Variants in IQCK observed in about 807,000 individuals in gnomAD.
IQCK encodes the protein IQ domain-containing protein K.
A neutral mutation model predicts 28.1 loss-of-function variants in IQCK; 29 were observed. The observed-to-expected ratio is 1.03, with a 90% CI of 0.77 to 1.41. The LOEUF (loss-of-function observed/expected upper bound fraction) is 1.41. Ranked by LOEUF, IQCK falls within the 40% of genes most tolerant of loss-of-function variation. IQCK has a pLI of 0.00. For synonymous variants in IQCK, 113 were observed against 115.1 expected (o/e 0.98, Z 0.12); for missense variants, 359 against 314.7 (o/e 1.14, Z -1.07).
intron 1 of IQCK, among the ~76,000 whole-genome samples, chr16:19,726,973 A>G (rs952604117): frequency 6.6e-6 from 1 of 151,988 alleles, no homozygotes; most frequent in Non-Finnish European, 1.5e-5. Flanking sequence ...GTCTCTAAAA[A>G]TACAAAAATT....
chr16:19,844,081 CTTT>C (rs760051580), intron 9 of IQCK, among the ~76,000 whole-genome samples: 7 of 136,264 alleles, frequency 5.1e-5, no homozygotes, highest in Non-Finnish European at 6.4e-5. Flanking sequence ...CATATGCTTG[CTTT>C]TTTTTTTTTT....
At chr16:19,731,723 C>T (rs954555872) in intron 2 of IQCK, among the ~76,000 whole-genome samples, 18 of 152,120 alleles carry the variant, frequency 1.2e-4, no homozygotes, top group African/African-American at 3.6e-4. Flanking sequence ...CAGTAGGATA[C>T]ATATATGAGA....
At chr16:19,742,711 TTGCTGATCTGCGTTTTGCCCTTAAAC>T (rs2054854514) in intron 4 of IQCK, among the ~76,000 whole-genome samples, 1 of 152,274 alleles carries the variant, frequency 6.6e-6, no homozygotes, top group Non-Finnish European at 1.5e-5. Flanking sequence ...TCAAAAATAC[TTGCTGATCTGCGTTTTGCCCTTAAAC>T]TGCTGATGTC....
rs61573221 is a variant in IQCK at position 19,748,072 on chromosome 16, CT to C, written c.474+12642del. Among the ~76,000 whole-genome samples the C allele has an allele frequency of 6.0e-3, 702 of 117,160 alleles. 4 individuals carry two copies. Among genetic ancestry groups the C allele is most frequent in the African/African-American group, 0.012 (338 of 28,688 alleles). 76.9% of individuals were successfully genotyped at this position (117,160 alleles called of 152,430 possible). On this transcript the variant is annotated intron_variant, in intron 4 of 7. Coordinates refer to ENST00000564186, the Ensembl canonical transcript of IQCK. Reference sequence around the variant, plus strand: ...GAGTTCAACCATCTGGGCTCAAATTCTTTTTTTTTTTTTTTTTTTTGAGACA... The same window carrying C: ...GAGTTCAACCATCTGGGCTCAAATTCTTTTTTTTTTTTTTTTTTTGAGACA...
intron 4 of IQCK, among the ~76,000 whole-genome samples, chr16:19,742,449 G>T (rs2054851191): frequency 6.6e-6 from 1 of 151,938 alleles, no homozygotes; most frequent in Admixed American, 6.5e-5. Flanking sequence ...GACCCAAGTG[G>T]AACTCCCCTT....
At chr16:19,719,037 TCTTC>T (rs1223156901) in intron 1 of IQCK, among the ~76,000 whole-genome samples, 1 of 152,210 alleles carries the variant, frequency 6.6e-6, no homozygotes, top group African/African-American at 2.4e-5. Context: ...GTTGAGCACA[TCTTC>T]CTTTGTGGCT....
chr16:19,747,950 T>C (rs973764792), intron 4 of IQCK, among the ~76,000 whole-genome samples: 3 of 152,044 alleles, frequency 2.0e-5, no homozygotes, highest in Non-Finnish European at 4.4e-5. Flanking sequence ...TTAGAAATAA[T>C]ATGGACCGGG....
intron 4 of IQCK, among the ~76,000 whole-genome samples, chr16:19,755,968 A>C (rs558150645): frequency 6.6e-6 from 1 of 152,028 alleles, no homozygotes; most frequent in Non-Finnish European, 1.5e-5. Flanking sequence ...GGATCACTAG[A>C]GCTCAGGAGT....
chr16:19,807,713 C>T (rs759046987), intron 7 of IQCK, among the ~76,000 whole-genome samples: 3 of 152,172 alleles, frequency 2.0e-5, no homozygotes, highest in Non-Finnish European at 2.9e-5. Flanking sequence ...ATGTGACCTT[C>T]AGTACATCAC....
At chr16:19,850,296 C>T (rs1242371257) in intron 9 of IQCK, among the ~76,000 whole-genome samples, 2 of 152,094 alleles carry the variant, frequency 1.3e-5, no homozygotes, top group Non-Finnish European at 2.9e-5. Flanking sequence ...CAGCTCACAG[C>T]GTAACCTTGA....
intron 4 of IQCK, among the ~76,000 whole-genome samples, chr16:19,737,610 C>T (rs1028801177): frequency 2.3e-4 from 35 of 152,144 alleles, no homozygotes; most frequent in African/African-American, 7.5e-4. Context: ...ACCTCTGGGC[C>T]GTGGTTCACC....
At chr16:19,810,192 C>T (rs1335262485) in intron 7 of IQCK, among the ~76,000 whole-genome samples, 2 of 152,074 alleles carry the variant, frequency 1.3e-5, no homozygotes, top group African/African-American at 2.4e-5. Context: ...GACTCGGTTT[C>T]CTCTTTGAAA....
At chr16:19,784,151 G>A (rs1597556855) in intron 6 of IQCK, among the ~76,000 whole-genome samples, 1 of 152,114 alleles carries the variant, frequency 6.6e-6, no homozygotes, top group East Asian at 1.9e-4. Flanking sequence ...TATCTGCCAA[G>A]TTATTACTGT....
chr16:19,831,329 T>C (rs2056230855), downstream of IQCK, among the ~76,000 whole-genome samples: 1 of 152,212 alleles, frequency 6.6e-6, no homozygotes, highest in Admixed American at 6.5e-5. Context: ...GACTGAAGCC[T>C]CCAGCTAGGG....
intron 6 of IQCK, among the ~76,000 whole-genome samples, chr16:19,776,658 G>C (rs561666938): frequency 6.6e-6 from 1 of 152,160 alleles, no homozygotes; most frequent in Non-Finnish European, 1.5e-5. Context: ...GCAGTGAGCC[G>C]AGATGGTGCC....
Position 19,751,744 on chromosome 16 carries a change from G to C in IQCK, c.475-12104G>C, listed in dbSNP as rs1235802209. Among the ~76,000 whole-genome samples the C allele has an allele frequency of 2.6e-5, 4 of 151,956 alleles. No homozygotes were observed. In the East Asian group the frequency reaches 5.8e-4, roughly 22 times the overall value. On this transcript the variant is annotated intron_variant, in intron 4 of 7. Coordinates refer to ENST00000564186, the Ensembl canonical transcript of IQCK. Reference sequence around the variant, plus strand: ...TTGAAGGGAGTGCTCCAGATCCCTTGGTTTCTCGGAGGCATGGCTTTGAAG... The same window carrying C: ...TTGAAGGGAGTGCTCCAGATCCCTTCGTTTCTCGGAGGCATGGCTTTGAAG...
chr16:19,812,446 T>G (rs927219569), intron 7 of IQCK, among the ~76,000 whole-genome samples: 3 of 152,198 alleles, frequency 2.0e-5, no homozygotes, highest in Admixed American at 6.5e-5. Flanking sequence ...TTTTATAAAG[T>G]TTTGTTAAAA....
intron 9 of IQCK, among the ~76,000 whole-genome samples, chr16:19,855,897 G>A (rs2056553383): frequency 6.6e-6 from 1 of 152,110 alleles, no homozygotes; most frequent in Admixed American, 6.5e-5. Context: ...CCCACCAAGG[G>A]ACTGGGTTTC....
At chr16:19,830,682 C>T (rs555967020), downstream of IQCK, among the ~76,000 whole-genome samples, 7 of 152,306 alleles carry the variant, frequency 4.6e-5, 1 homozygote, top group African/African-American at 1.4e-4. Context: ...AAGGACCGGG[C>T]TTTGGAGTTG....
Sources: allele counts gnomAD v4.1 joint callset (sites outside exome capture counted in the v4.1 genomes callset), GRCh38; gene constraint gnomAD v4.1.1; transcripts MANE v1.5; gene names NCBI Gene and HGNC (gene_info 2026-07-23, HGNC 2026-07-21).